ATP2B1: variants seen among roughly 807,000 people sequenced by gnomAD.
The protein encoded by ATP2B1 is plasma membrane calcium-transporting ATPase 1.
In ATP2B1, 14 loss-of-function variants were observed where a neutral mutation model predicts 124.2. The observed-to-expected ratio is 0.11, with a 90% confidence interval of 0.07 to 0.18. ATP2B1 has a LOEUF of 0.18. Ranked by LOEUF, ATP2B1 falls within the 10% of genes least tolerant of loss-of-function variation. ATP2B1 has a pLI of 1.00. For synonymous variants in ATP2B1, 449 were observed against 492.4 expected (o/e 0.91, Z 1.17); for missense variants, 763 against 1,466.1 (o/e 0.52, Z 7.83).
chr12:89,633,953 T>C (rs961199734), intron 5 of ATP2B1, among the ~76,000 whole-genome samples: 2 of 152,102 alleles, frequency 1.3e-5, no homozygotes, highest in Non-Finnish European at 2.9e-5. Flanking sequence ...AACCTAAAAG[T>C]TAGAATAATT....
At chr12:89,642,493 T>A in intron 2 of ATP2B1, 138 bp from the exon 3 acceptor site, 1 of 836,904 alleles carries the variant, frequency 1.2e-6, no homozygotes, top group Non-Finnish European at 1.8e-6. Flanking sequence ...GTACAGAATT[T>A]AAATCACTGA....
intron 1 of ATP2B1, among the ~76,000 whole-genome samples, chr12:89,661,354 G>T (rs1326392881): frequency 6.6e-6 from 1 of 152,042 alleles, no homozygotes; most frequent in African/African-American, 2.4e-5. Flanking sequence ...TTAAATCATG[G>T]TTACAAAGCA....
chr12:89,700,421 C>A (rs566242910), intron 1 of ATP2B1, among the ~76,000 whole-genome samples: 4 of 152,132 alleles, frequency 2.6e-5, no homozygotes, highest in Non-Finnish European at 5.9e-5. Flanking sequence ...ACCTTAAGTT[C>A]ATGAGTCATT....
At chr12:89,653,914 C>T (rs1699129806) in intron 2 of ATP2B1, among the ~76,000 whole-genome samples, 1 of 152,066 alleles carries the variant, frequency 6.6e-6, no homozygotes, top group Admixed American at 6.5e-5. Context: ...AATGCAAGGA[C>T]CTGGTTAGGG....
chr12:89,664,387 G>A (rs905870384), intron 1 of ATP2B1, among the ~76,000 whole-genome samples: 1 of 152,128 alleles, frequency 6.6e-6, no homozygotes. Flanking sequence ...TCAAACACAG[G>A]TATCTTGAAC....
intron 6 of ATP2B1, among the ~76,000 whole-genome samples, chr12:89,629,547 C>T (rs1254318314): frequency 6.6e-6 from 1 of 152,024 alleles, no homozygotes; most frequent in African/African-American, 2.4e-5. Context: ...ATTTTTGTTT[C>T]GAAATAGAGA....
chr12:89,643,193 TG>T (rs1364646219), intron 2 of ATP2B1, among the ~76,000 whole-genome samples: 2 of 150,920 alleles, frequency 1.3e-5, no homozygotes, highest in South Asian at 4.2e-4. Flanking sequence ...TATGTATATA[TG>T]TATATATGTG....
In ATP2B1 at chr12:89,589,533, A is replaced by G. The variant is rs199725396; in HGVS notation, c.*1451T>C. On this transcript the variant is annotated 3_prime_UTR_variant, in exon 21 of 21. Coordinates refer to ENST00000428670, the MANE Select transcript of ATP2B1 (RefSeq NM_001366521.1). ...AAGAATTAAAATAAATGTATCAAAG[A>G]CAATGGTGGTCATTGTTGTTATGTT... is the stretch of plus-strand genomic sequence containing the variant. 1.3e-5 allele frequency: 2 copies of G among 152,218 alleles called. No individual in the cohort carries two copies. The highest frequency in any genetic ancestry group is 3.9e-4 in the East Asian group (2 of 5,188). The allele number at this position is 152,218 out of a possible 1,614,324, so 9.4% of individuals were successfully genotyped here.
Position 89,627,734 on chromosome 12 carries a change from G to T in ATP2B1, c.929-18C>A, listed in dbSNP as rs557481164. 6.2e-7 allele frequency: 1 copy of T among 1,612,634 alleles called. No homozygotes were observed. The highest frequency in any genetic ancestry group is 1.7e-5 in the Admixed American group (1 of 59,934). The stretch of plus-strand genomic sequence containing the variant: ...TTTCTTATCTGTAGGAACAAAATGG[G>T]AATTAAAGCTTTCCAAAAGAAATGA... On this transcript the variant is annotated intron_variant, in intron 6 of 20. Coordinates refer to ENST00000428670, the MANE Select transcript of ATP2B1 (RefSeq NM_001366521.1).
chr12:89,704,908 GA>G (rs1278674494), intron 1 of ATP2B1, among the ~76,000 whole-genome samples: 1 of 152,054 alleles, frequency 6.6e-6, no homozygotes, highest in East Asian at 1.9e-4. Flanking sequence ...GGACACTATT[GA>G]GTATACCGTA....
intron 15 of ATP2B1, among the ~76,000 whole-genome samples, chr12:89,608,222 G>T (rs1414527708): frequency 1.3e-5 from 2 of 152,162 alleles, no homozygotes; most frequent in Admixed American, 1.3e-4. Context: ...AGGCTGGAGT[G>T]CAGTGGTGCC....
At chr12:89,630,780 AAT>A in intron 5 of ATP2B1, 135 bp from the exon 6 acceptor site, 21 of 246,314 alleles carry the variant, frequency 8.5e-5, no homozygotes, top group Non-Finnish European at 8.8e-5. Context: ...TAAATATATA[AAT>A]ATATATATAT....
At chr12:89,606,573 T>C (rs189756848) in intron 15 of ATP2B1, among the ~76,000 whole-genome samples, 2 of 654 alleles carry the variant, frequency 3.1e-3, no homozygotes, top group Admixed American at 0.025. Flanking sequence ...AATGTCCCAC[T>C]TTTTTTTTTT....
chr12:89,610,182 T>C, intron 14 of ATP2B1, 139 bp from the exon 15 acceptor site: 1 of 880,300 alleles, frequency 1.1e-6, no homozygotes, highest in South Asian at 1.8e-5. Context: ...TGCTTAGATG[T>C]TGGGTGAGAA....
chr12:89,651,892 A>G (rs1359849347), intron 2 of ATP2B1, among the ~76,000 whole-genome samples: 1 of 152,188 alleles, frequency 6.6e-6, no homozygotes, highest in African/African-American at 2.4e-5. Flanking sequence ...TTGTTAAAAT[A>G]TTAACTTATT....
intron 2 of ATP2B1, among the ~76,000 whole-genome samples, chr12:89,646,077 A>ATGTTTT (rs573122292): frequency 6.6e-6 from 1 of 151,952 alleles, no homozygotes; most frequent in Non-Finnish European, 1.5e-5. Flanking sequence ...AAGGGAAAGA[A>ATGTTTT]TGTTTTTGTT....
intron 1 of ATP2B1, among the ~76,000 whole-genome samples, chr12:89,707,695 C>A (rs1449394543): frequency 6.6e-6 from 1 of 152,182 alleles, no homozygotes; most frequent in Non-Finnish European, 1.5e-5. Context: ...CCAAGCAGCG[C>A]ACAGGGTGCG....
chr12:89,704,966 T>C (rs1384169763), intron 1 of ATP2B1, among the ~76,000 whole-genome samples: 2 of 152,176 alleles, frequency 1.3e-5, no homozygotes, highest in East Asian at 1.9e-4. Flanking sequence ...ACCTGTCCTA[T>C]GTCCCCATTT....
chr12:89,595,319 A>C (rs1565793561), intron 20 of ATP2B1, among the ~76,000 whole-genome samples: 1 of 151,996 alleles, frequency 6.6e-6, no homozygotes, highest in Non-Finnish European at 1.5e-5. Context: ...ATTTTCTCTC[A>C]ATTTCTCATT....
Sources: gnomAD v4.1 joint callset for allele counts (sites outside exome capture counted in the v4.1 genomes callset) on GRCh38, gnomAD v4.1.1 for gene constraint, MANE v1.5 for transcripts, NCBI Gene and HGNC (gene_info 2026-07-23, HGNC 2026-07-21) for gene names.